THRB: variants seen among roughly 807,000 people sequenced by gnomAD.
THRB encodes nuclear receptor subfamily 1 group A member 2.
A neutral mutation model predicts 47.8 loss-of-function variants in THRB; 12 were observed. That is an observed-to-expected ratio of 0.25 (90% CI 0.16 to 0.41). The LOEUF is 0.41. THRB is among the 10% of genes least tolerant of loss of function. The pLI is 1.00. For missense variants in THRB, 348 were observed against 589.2 expected, an observed-to-expected ratio of 0.59 and a Z score of 4.24; for synonymous variants, 218 against 212.2, an observed-to-expected ratio of 1.03 and a Z score of -0.24.
At position 24,267,370 on chromosome 3, in the gene THRB, G is replaced by GA. The variant is rs71266409; in HGVS notation, c.-43+29855dup. 9.2e-3 allele frequency among the ~76,000 whole-genome samples: 1,243 copies of GA among 135,790 alleles called. 6 individuals carry two copies. The highest frequency in any genetic ancestry group is 0.02 in the South Asian group (83 of 4,136). 89.1% of individuals were successfully genotyped at this position (135,790 alleles called of 152,430 possible). ...AGGTATAATGTTAGAAACTTTTCCT[G>GA]AAAAAAAAAAAAGACTTGAATCTGC... is the stretch of plus-strand genomic sequence containing the variant. On this transcript the variant is annotated intron_variant, in intron 3 of 10. Transcript: ENST00000646209.
intron 1 of THRB, among the ~76,000 whole-genome samples, chr3:24,355,316 A>G (rs1337395374): frequency 6.6e-6 from 1 of 152,182 alleles, no homozygotes; most frequent in Non-Finnish European, 1.5e-5. Context: ...AGGAAACACA[A>G]AGAAAGGCTG....
At chr3:24,289,966 A>C (rs9835572) in intron 3 of THRB, among the ~76,000 whole-genome samples, 1 of 152,048 alleles carries the variant, frequency 6.6e-6, no homozygotes, top group Non-Finnish European at 1.5e-5. Context: ...CCTTACTTTT[A>C]AAGTCAATGC....
chr3:24,359,204 G>A (rs762528246), intron 1 of THRB, among the ~76,000 whole-genome samples: 11 of 152,124 alleles, frequency 7.2e-5, no homozygotes, highest in Admixed American at 6.6e-5. Context: ...TTCAGTTGGT[G>A]GCTGGGCTGG....
chr3:24,465,984 T>C (rs556251045), intron 1 of THRB, among the ~76,000 whole-genome samples: 1 of 152,146 alleles, frequency 6.6e-6, no homozygotes, highest in Non-Finnish European at 1.5e-5. Context: ...GCTCTTTATT[T>C]ATGAGAAGGG....
At chr3:24,293,025 T>TTTGC (rs2056097781) in intron 3 of THRB, among the ~76,000 whole-genome samples, 1 of 151,956 alleles carries the variant, frequency 6.6e-6, no homozygotes, top group Admixed American at 6.6e-5. Context: ...AAAGTTTTTG[T>TTTGC]TTGTTGCTCA....
intron 3 of THRB, among the ~76,000 whole-genome samples, chr3:24,241,388 C>T (rs1045002838): frequency 7.9e-5 from 12 of 152,182 alleles, no homozygotes; most frequent in Non-Finnish European, 1.3e-4. Flanking sequence ...TGAGTTTGAG[C>T]GTGGAGACAG....
chr3:24,269,825 T>C (rs1225338802), intron 3 of THRB, among the ~76,000 whole-genome samples: 1 of 152,196 alleles, frequency 6.6e-6, no homozygotes, highest in African/African-American at 2.4e-5. Flanking sequence ...AGCAAGGAGA[T>C]GCCCACTTTA....
At chr3:24,492,929 A>G (rs1698389831) in intron 1 of THRB, among the ~76,000 whole-genome samples, 2 of 152,382 alleles carry the variant, frequency 1.3e-5, no homozygotes, top group East Asian at 3.9e-4. Context: ...TATAAAATAA[A>G]GCCAAACTGT....
At chr3:24,318,845 G>T (rs2058293571) in intron 2 of THRB, among the ~76,000 whole-genome samples, 1 of 152,168 alleles carries the variant, frequency 6.6e-6, no homozygotes, top group Admixed American at 6.5e-5. Flanking sequence ...CATCTGACTA[G>T]GCTGAGATGA....
intron 1 of THRB, among the ~76,000 whole-genome samples, chr3:24,353,331 T>G (rs1692471446): frequency 6.6e-6 from 1 of 152,050 alleles, no homozygotes; most frequent in Non-Finnish European, 1.5e-5. Flanking sequence ...GTGTAGAGTT[T>G]CACAGTTCTA....
In THRB at chr3:24,271,938, T is replaced by C. The variant is rs182893967; in HGVS notation, c.-43+25288A>G. Among the ~76,000 whole-genome samples, 5 of 152,318 alleles carry C rather than the reference T, an allele frequency of 3.3e-5. No homozygotes were observed. The East Asian group carries it at 7.7e-4, about 23-fold the overall frequency. On this transcript the variant is annotated intron_variant, in intron 3 of 10. Transcript: ENST00000646209. Reference sequence around the variant, plus strand: ...CAGGTCCTAAGTTAATATTTGATTATTAGCTATTATGATTATGATGGTCTT... The same window carrying C: ...CAGGTCCTAAGTTAATATTTGATTACTAGCTATTATGATTATGATGGTCTT...
At chr3:24,375,306 A>C (rs969694199) in intron 1 of THRB, among the ~76,000 whole-genome samples, 5 of 147,460 alleles carry the variant, frequency 3.4e-5, no homozygotes, top group Non-Finnish European at 3.0e-5. Context: ...GAAATATAAT[A>C]TTAATATATT....
At chr3:24,468,615 T>C (rs900731819) in intron 1 of THRB, among the ~76,000 whole-genome samples, 2 of 152,214 alleles carry the variant, frequency 1.3e-5, no homozygotes. Flanking sequence ...GGAGGATCAC[T>C]GAGTCAGTGC....
intron 3 of THRB, among the ~76,000 whole-genome samples, chr3:24,259,009 G>C (rs2051627579): frequency 6.6e-6 from 1 of 152,178 alleles, no homozygotes; most frequent in South Asian, 2.1e-4. Flanking sequence ...CAAGGTCACA[G>C]AGCCACTAGC....
intron 4 of THRB, among the ~76,000 whole-genome samples, chr3:24,222,277 T>G (rs113747070): frequency 0.015 from 2,337 of 152,352 alleles, 23 homozygotes; most frequent in Non-Finnish European, 0.025. Context: ...CAAATATTTA[T>G]GGTTTTCCCT....
Position 24,290,590 on chromosome 3 carries a change from C to A in THRB, c.-43+6636G>T, listed in dbSNP as rs893336838. Among the ~76,000 whole-genome samples the A allele has an allele frequency of 2.0e-4, 31 of 152,174 alleles. 1 individual carries two copies. The highest frequency in any genetic ancestry group is 1.4e-3 in the Admixed American group (21 of 15,282). The stretch of plus-strand genomic sequence containing the variant: ...ATTCTCTGACAACTCAATTCAGTTT[C>A]TCCTCCAAGAGACACGATGCACAAT... On this transcript the variant is annotated intron_variant, in intron 3 of 10. Coordinates refer to ENST00000646209, the MANE Select transcript of THRB (RefSeq NM_001354712.2).
intron 5 of THRB, among the ~76,000 whole-genome samples, chr3:24,154,759 C>G (rs1379930437): frequency 6.6e-6 from 1 of 152,168 alleles, no homozygotes; most frequent in Non-Finnish European, 1.5e-5. Flanking sequence ...CAGACCCATA[C>G]TGTCAAAAAA....
At chr3:24,229,626 G>T (rs2048046750) in intron 3 of THRB, among the ~76,000 whole-genome samples, 1 of 152,186 alleles carries the variant, frequency 6.6e-6, no homozygotes. Flanking sequence ...TCAGGCTGGG[G>T]ATGGAGGCCT....
chr3:24,158,436 G>C lies in THRB; in HGVS notation c.284-5946C>G, dbSNP rs1301262161. ...AAATGATAACTTTTTTTTTTTTTGG[G>C]GGGAGGGTGGGGGACGAGTTTCACT... On this transcript the variant is annotated intron_variant, in intron 5 of 10. Coordinates refer to ENST00000646209, the MANE Select transcript of THRB (RefSeq NM_001354712.2). Among the ~76,000 whole-genome samples, 19 of 94,938 alleles carry C rather than the reference G, an allele frequency of 2.0e-4. 1 individual carries two copies. The South Asian group carries it at 3.4e-3, about 17-fold the overall frequency. The allele number at this position is 94,938 out of a possible 152,430, so 62.3% of individuals were successfully genotyped here.
Sources: allele counts gnomAD v4.1 joint callset (sites outside exome capture counted in the v4.1 genomes callset), GRCh38; gene constraint gnomAD v4.1.1; transcripts MANE v1.5; gene names NCBI Gene and HGNC (gene_info 2026-07-23, HGNC 2026-07-21).